Variants in CFAP61 observed in about 807,000 individuals in gnomAD.
CFAP61 encodes cilia- and flagella-associated protein 61.
Under a neutral mutation model 135.6 loss-of-function variants are expected in CFAP61, and 107 were observed. The ratio of observed to expected loss-of-function variants is 0.79; its 90% CI spans 0.67 to 0.93. The LOEUF (loss-of-function observed/expected upper bound fraction) is 0.93. Ranked by LOEUF, CFAP61 falls within the 40% of genes least tolerant of loss-of-function variation. The pLI, the probability that CFAP61 is intolerant of heterozygous loss-of-function variation, is 0.00. For synonymous variants in CFAP61, 575 were observed against 578.5 expected, an observed-to-expected ratio of 0.99 and a Z score of 0.09; for missense variants, 1,507 against 1,556.2, an observed-to-expected ratio of 0.97 and a Z score of 0.53.
intron 14 of CFAP61, among the ~76,000 whole-genome samples, chr20:20,188,886 A>G (rs1244298652): frequency 8.5e-5 from 13 of 152,188 alleles, no homozygotes; most frequent in Admixed American, 8.5e-4. Context: ...CCTTTCCCTA[A>G]GTTAATACCA....
intron 2 of CFAP61, among the ~76,000 whole-genome samples, chr20:20,062,873 A>G (rs1313086667): frequency 6.6e-6 from 1 of 152,224 alleles, no homozygotes; most frequent in Admixed American, 6.5e-5. Context: ...GTAAAAATGT[A>G]AGAATATTTT....
chr20:20,257,676 A>G (rs897506477), intron 20 of CFAP61, among the ~76,000 whole-genome samples: 3 of 151,940 alleles, frequency 2.0e-5, no homozygotes, highest in African/African-American at 7.2e-5. Context: ...ATTTCATAGT[A>G]GTACAAAAGG....
At chr20:20,085,194 A>G in intron 6 of CFAP61, 3 of 985,430 alleles carry the variant, frequency 3.0e-6, no homozygotes, top group South Asian at 9.4e-5. Flanking sequence ...CCAAATTCAC[A>G]GTGGCTCTCC....
intron 25 of CFAP61, among the ~76,000 whole-genome samples, chr20:20,303,873 C>G (rs976236688): frequency 1.3e-5 from 2 of 152,200 alleles, no homozygotes; most frequent in Non-Finnish European, 2.9e-5. Flanking sequence ...ATCAGTTCCT[C>G]TCCGCATTCA....
At chr20:20,157,210 C>A (rs992656380) in intron 9 of CFAP61, among the ~76,000 whole-genome samples, 4 of 152,112 alleles carry the variant, frequency 2.6e-5, no homozygotes, top group African/African-American at 9.7e-5. Context: ...GTAGCTGGTA[C>A]AGGTGTGAAC....
At chr20:20,085,578 A>C in intron 6 of CFAP61, 2 of 1,280,328 alleles carry the variant, frequency 1.6e-6, no homozygotes, top group African/African-American at 3.0e-5. Flanking sequence ...GCTGAGGTTC[A>C]TGAGCAGGCC....
intron 6 of CFAP61, among the ~76,000 whole-genome samples, chr20:20,087,954 C>T (rs994458902): frequency 6.6e-6 from 1 of 152,000 alleles, no homozygotes; most frequent in Admixed American, 6.6e-5. Context: ...AGGTGACCAC[C>T]GATAATGCTC....
chr20:20,188,166 G>T, intron 14 of CFAP61, 110 bp downstream of exon 14: 3 of 1,117,946 alleles, frequency 2.7e-6, no homozygotes, highest in South Asian at 3.0e-5. Context: ...TATGGCAGGG[G>T]GCAGTGGAGG....
intron 2 of CFAP61, chr20:20,069,663 G>A: frequency 2.3e-6 from 1 of 444,406 alleles, no homozygotes; most frequent in Non-Finnish European, 4.5e-6. Flanking sequence ...AGAAACCAAA[G>A]TGTTGACAGT....
chr20:20,307,261 G>T (rs2056530791), intron 25 of CFAP61, among the ~76,000 whole-genome samples: 1 of 152,172 alleles, frequency 6.6e-6, no homozygotes, highest in Non-Finnish European at 1.5e-5. Flanking sequence ...CTGCGTTCTT[G>T]CTTATCAGCT....
chr20:20,218,372 C>G (rs765520992), intron 17 of CFAP61, among the ~76,000 whole-genome samples: 2 of 152,198 alleles, frequency 1.3e-5, no homozygotes, highest in South Asian at 2.1e-4. Flanking sequence ...TCACCCTCCA[C>G]CATGATTGTG....
In CFAP61 at chr20:20,069,312, G is replaced by A. The variant is rs755849797; in HGVS notation, c.144-1542G>A. Among the ~76,000 whole-genome samples the A allele has an allele frequency of 3.3e-5, 5 of 151,870 alleles. No homozygotes were observed. The East Asian group carries it at 7.7e-4, about 24-fold the overall frequency. Reference sequence around the variant, plus strand: ...TTATTATGTTTTGAGATGGATTCTCGCTCTGTTGTCCAGGCTGGAGTACAG... The same window carrying A: ...TTATTATGTTTTGAGATGGATTCTCACTCTGTTGTCCAGGCTGGAGTACAG... On this transcript the variant is annotated intron_variant, in intron 2 of 26. Transcript: ENST00000245957.
chr20:20,215,265 A>T (rs980073573), intron 17 of CFAP61: 1 of 152,108 alleles, frequency 6.6e-6, no homozygotes. Context: ...TCATTGTTCC[A>T]TGTCCAGCAA....
At chr20:20,231,048 C>T (rs1173754260) in intron 18 of CFAP61, among the ~76,000 whole-genome samples, 1 of 152,160 alleles carries the variant, frequency 6.6e-6, no homozygotes, top group Non-Finnish European at 1.5e-5. Flanking sequence ...CATTTGGTCT[C>T]CTCTTCAAAG....
At chr20:20,196,943 C>T (rs1478066349) in intron 16 of CFAP61, among the ~76,000 whole-genome samples, 167 bp downstream of exon 16, 1 of 152,190 alleles carries the variant, frequency 6.6e-6, no homozygotes, top group Non-Finnish European at 1.5e-5. Context: ...ACTACAGTGA[C>T]ATTCTGTAGG....
At chr20:20,177,006 T>A (rs1224165611) in intron 13 of CFAP61, among the ~76,000 whole-genome samples, 1 of 152,104 alleles carries the variant, frequency 6.6e-6, no homozygotes, top group Non-Finnish European at 1.5e-5. Context: ...TTCTAGACAA[T>A]TTTAGAAGTT....
chr20:20,265,540 TA>T, intron 21 of CFAP61: 1 of 777,894 alleles, frequency 1.3e-6, no homozygotes, highest in Non-Finnish European at 2.4e-6. Context: ...AGCCAGTGCA[TA>T]AAGCCATTTG....
chr20:20,128,050 G>A (rs899246769), intron 8 of CFAP61, among the ~76,000 whole-genome samples: 8 of 151,788 alleles, frequency 5.3e-5, no homozygotes, highest in African/African-American at 1.5e-4. Flanking sequence ...GCCCCACCCA[G>A]TAGTCTGTTT....
chr20:20,127,565 T>C (rs1456071447), intron 8 of CFAP61, among the ~76,000 whole-genome samples: 1 of 151,076 alleles, frequency 6.6e-6, no homozygotes, highest in African/African-American at 2.5e-5. Flanking sequence ...AGTCCTATGA[T>C]GTGAACCATC....
Sources: gnomAD v4.1 joint callset for allele counts (sites outside exome capture counted in the v4.1 genomes callset) on GRCh38, gnomAD v4.1.1 for gene constraint, MANE v1.5 for transcripts, NCBI Gene and HGNC (gene_info 2026-07-23, HGNC 2026-07-21) for gene names.